The following ADK variants were observed in gnomAD, a reference collection of about 807,000 sequenced individuals.
The protein encoded by ADK is adenosine kinase.
A neutral mutation model predicts 44.7 loss-of-function variants in ADK; 24 were observed. The ratio of observed to expected loss-of-function variants is 0.54; its 90% confidence interval spans 0.39 to 0.76. The LOEUF (loss-of-function observed/expected upper bound fraction) is 0.76. ADK is among the 30% of genes least tolerant of loss of function. ADK has a pLI of 0.00. For synonymous variants in ADK, 128 were observed against 142.6 expected, an observed-to-expected ratio of 0.90 and a Z score of 0.73; for missense variants, 321 against 425.1, an observed-to-expected ratio of 0.76 and a Z score of 2.15.
chr10:74,225,541 A>G (rs1844502497), intron 3 of ADK, among the ~76,000 whole-genome samples: 1 of 152,268 alleles, frequency 6.6e-6, no homozygotes, highest in East Asian at 1.9e-4. Flanking sequence ...AAGTACTTTT[A>G]AACTGCTTTT....
At chr10:74,160,561 T>C (rs1841861329) in intron 1 of ADK, among the ~76,000 whole-genome samples, 1 of 152,240 alleles carries the variant, frequency 6.6e-6, no homozygotes, top group African/African-American at 2.4e-5. Context: ...TTCTGGGGCT[T>C]ACCTGCCCTG....
chr10:74,266,847 A>G (rs896806720), intron 3 of ADK, among the ~76,000 whole-genome samples: 2 of 152,238 alleles, frequency 1.3e-5, no homozygotes, highest in African/African-American at 4.8e-5. Flanking sequence ...TTGAAATTAT[A>G]TAATCAGAAG....
chr10:74,592,032 T>C (rs1004841131), intron 8 of ADK, among the ~76,000 whole-genome samples: 4 of 151,686 alleles, frequency 2.6e-5, no homozygotes, highest in East Asian at 3.9e-4. Context: ...AATTTTACTT[T>C]TGTAAAAAAA....
intron 3 of ADK, among the ~76,000 whole-genome samples, chr10:74,257,112 T>A (rs1845852376): frequency 6.6e-6 from 1 of 152,224 alleles, no homozygotes; most frequent in Non-Finnish European, 1.5e-5. Flanking sequence ...ACTGCAATTT[T>A]ATAGGTTACT....
intron 4 of ADK, among the ~76,000 whole-genome samples, chr10:74,355,435 G>T (rs1219908269): frequency 6.6e-6 from 1 of 152,162 alleles, no homozygotes. Context: ...GTGCAATCAA[G>T]AATTAATGAT....
At chr10:74,222,758 A>G (rs1591884628) in intron 2 of ADK, among the ~76,000 whole-genome samples, 1 of 151,750 alleles carries the variant, frequency 6.6e-6, no homozygotes, top group Non-Finnish European at 1.5e-5. Context: ...AACTATCACA[A>G]GAACAAAAAA....
At chr10:74,612,473 G>A (rs1852593695) in intron 9 of ADK, among the ~76,000 whole-genome samples, 1 of 151,950 alleles carries the variant, frequency 6.6e-6, no homozygotes, top group Non-Finnish European at 1.5e-5. Flanking sequence ...ACTTTTTAAT[G>A]GAGTAATTTG....
intron 1 of ADK, among the ~76,000 whole-genome samples, chr10:74,159,884 C>T (rs1841844229): frequency 6.6e-6 from 1 of 152,168 alleles, no homozygotes; most frequent in Non-Finnish European, 1.5e-5. Flanking sequence ...TGAGCCACAG[C>T]ACCTGGCCTA....
intron 4 of ADK, among the ~76,000 whole-genome samples, chr10:74,343,003 G>A (rs1377969361): frequency 6.6e-6 from 1 of 152,064 alleles, no homozygotes; most frequent in African/African-American, 2.4e-5. Flanking sequence ...GTGACTAGTA[G>A]TTGTAATGTA....
intron 4 of ADK, among the ~76,000 whole-genome samples, chr10:74,350,311 T>C: frequency 6.6e-6 from 1 of 152,162 alleles, no homozygotes; most frequent in East Asian, 1.9e-4. Flanking sequence ...TGCTCCTGAA[T>C]GAATATTGGG....
chr10:74,600,779 A>T (rs901441001), intron 9 of ADK, among the ~76,000 whole-genome samples: 1 of 152,002 alleles, frequency 6.6e-6, no homozygotes, highest in Non-Finnish European at 1.5e-5. Flanking sequence ...TCCTGAAAAA[A>T]AGAATACATT....
intron 4 of ADK, among the ~76,000 whole-genome samples, chr10:74,378,051 GTT>G (rs35681211): frequency 6.9e-6 from 1 of 145,288 alleles, no homozygotes. Context: ...CTGTGCCTCA[GTT>G]TTTTTTTTTT....
At chr10:74,339,059 TCTC>T in intron 4 of ADK, among the ~76,000 whole-genome samples, 1 of 152,328 alleles carries the variant, frequency 6.6e-6, no homozygotes, top group South Asian at 2.1e-4. Flanking sequence ...CTCAAGGGAT[TCTC>T]CTGCTTCCAG....
At chr10:74,506,124 A>T (rs1848064569) in intron 6 of ADK, 1 of 153,018 alleles carries the variant, frequency 6.5e-6, no homozygotes, top group African/African-American at 2.4e-5. Flanking sequence ...TTACTAGAGT[A>T]TGCCTTTCTT....
At chr10:74,547,362 G>A (rs1452756114) in intron 7 of ADK, among the ~76,000 whole-genome samples, 4 of 150,826 alleles carry the variant, frequency 2.7e-5, no homozygotes, top group Admixed American at 6.6e-5. Context: ...TATAAAGAGT[G>A]TTGTCAACTG....
At chr10:74,660,721 C>T (rs573366692) in intron 9 of ADK, among the ~76,000 whole-genome samples, 1 of 120,744 alleles carries the variant, frequency 8.3e-6, no homozygotes. Context: ...CAAAGTGAGA[C>T]CCTGTCTCAA....
chr10:74,348,331 G>T (rs1051645302), intron 4 of ADK, among the ~76,000 whole-genome samples: 1 of 152,158 alleles, frequency 6.6e-6, no homozygotes, highest in African/African-American at 2.4e-5. Flanking sequence ...CAGCAGACCT[G>T]CAGAAGAGGT....
At chr10:74,602,463 C>A (rs1170938939) in intron 9 of ADK, among the ~76,000 whole-genome samples, 2 of 152,160 alleles carry the variant, frequency 1.3e-5, no homozygotes, top group Non-Finnish European at 2.9e-5. Context: ...TCTAGATATA[C>A]ATACTGTACA....
chr10:74,415,249 A>G (rs1374390104), intron 6 of ADK, among the ~76,000 whole-genome samples: 1 of 152,238 alleles, frequency 6.6e-6, no homozygotes, highest in Non-Finnish European at 1.5e-5. Context: ...TTAACAAATC[A>G]TCTACTGAAA....
Sources: gnomAD v4.1 joint callset for allele counts (sites outside exome capture counted in the v4.1 genomes callset) on GRCh38, gnomAD v4.1.1 for gene constraint, MANE v1.5 for transcripts, NCBI Gene and HGNC (gene_info 2026-07-23, HGNC 2026-07-21) for gene names.